The following LBP variants were observed in gnomAD, a reference collection of about 807,000 sequenced individuals.
LBP encodes lipopolysaccharide binding protein.
In LBP, 53 loss-of-function variants were observed where a neutral mutation model predicts 56.6. The observed-to-expected ratio is 0.94, with a 90% CI of 0.75 to 1.18. The LOEUF (loss-of-function observed/expected upper bound fraction) is 1.18. LBP is among the 50% of genes most tolerant of loss of function. The pLI is 0.00. For synonymous variants in LBP, 227 were observed against 247.5 expected (o/e 0.92, Z 0.78); for missense variants, 601 against 598.3 (o/e 1.00, Z -0.05).
intron 12 of LBP, among the ~76,000 whole-genome samples, chr20:38,372,331 G>A (rs1329918062): frequency 2.6e-5 from 4 of 152,176 alleles, no homozygotes; most frequent in South Asian, 2.1e-4. Flanking sequence ...ACACAGAGGC[G>A]GTGGGGAGAG....
chr20:38,374,192 T>C (rs570947457), intron 14 of LBP, among the ~76,000 whole-genome samples, 179 bp downstream of exon 14: 28 of 152,308 alleles, frequency 1.8e-4, no homozygotes, highest in African/African-American at 6.7e-4. Context: ...CCACATGTCC[T>C]TCAGAAGTGG....
chr20:38,363,456 G>A (rs2076868827), intron 6 of LBP, among the ~76,000 whole-genome samples: 1 of 152,206 alleles, frequency 6.6e-6, no homozygotes, highest in South Asian at 2.1e-4. Context: ...TAAGCTCGGA[G>A]GGGGAGACCC....
intron 5 of LBP, among the ~76,000 whole-genome samples, chr20:38,357,910 G>A (rs2076846904): frequency 6.6e-6 from 1 of 152,320 alleles, no homozygotes; most frequent in Middle Eastern, 3.4e-3. Context: ...GCATGCCAAT[G>A]TATTATAATT....
At chr20:38,357,083 C>T (rs562550477) in intron 5 of LBP, among the ~76,000 whole-genome samples, 21 of 152,324 alleles carry the variant, frequency 1.4e-4, no homozygotes, top group Non-Finnish European at 2.6e-4. Flanking sequence ...TCTTGAACTC[C>T]TGACCTCATG....
intron 7 of LBP, 139 bp downstream of exon 7, chr20:38,364,205 G>A (rs538204860): frequency 3.1e-6 from 2 of 646,352 alleles, no homozygotes; most frequent in East Asian, 2.7e-5. Flanking sequence ...GGGTGATATG[G>A]AGTGGTGGGG....
chr20:38,361,342 A>C (rs1450389154), intron 6 of LBP, among the ~76,000 whole-genome samples: 1 of 152,210 alleles, frequency 6.6e-6, no homozygotes, highest in East Asian at 1.9e-4. Context: ...TTTGTTCATG[A>C]ATCTATGTGT....
chr20:38,353,934 A>C (rs2076829488), intron 3 of LBP, among the ~76,000 whole-genome samples: 1 of 151,754 alleles, frequency 6.6e-6, no homozygotes, highest in African/African-American at 2.4e-5. Flanking sequence ...AAGCCCATAT[A>C]TTAAGGAAAT....
chr20:38,364,399 TAA>T (rs2076873140), intron 7 of LBP, among the ~76,000 whole-genome samples, 175 bp from the exon 8 acceptor site: 1 of 152,178 alleles, frequency 6.6e-6, no homozygotes, highest in African/African-American at 2.4e-5. Flanking sequence ...TCCTGTGGGT[TAA>T]TGTAGCAAAG....
At chr20:38,349,502 G>A (rs1394078258) in intron 1 of LBP, 46 bp from the exon 2 acceptor site, 12 of 1,426,508 alleles carry the variant, frequency 8.4e-6, no homozygotes, top group Non-Finnish European at 1.1e-5. Context: ...GAGCAGGGGA[G>A]GAGGCAGGCA....
intron 5 of LBP, among the ~76,000 whole-genome samples, chr20:38,357,859 G>A (rs913762314): frequency 6.6e-6 from 1 of 152,166 alleles, no homozygotes; most frequent in Non-Finnish European, 1.5e-5. Context: ...AATTGCCATG[G>A]CATTTGTAAA....
At chr20:38,368,854 T>C in intron 9 of LBP, 141 bp from the exon 10 acceptor site, 1 of 792,510 alleles carries the variant, frequency 1.3e-6, no homozygotes, top group Non-Finnish European at 2.0e-6. Context: ...GTTTTGCCAC[T>C]AGGAGAAAAA....
rs2076871421 is a variant in LBP, at chr20:38,364,034, G to A, written c.712G>A (p.Ala238Thr). The A allele has an allele frequency of 6.2e-7, 1 of 1,613,800 alleles. No individual in the cohort carries two copies. Among genetic ancestry groups the A allele is most frequent in the African/African-American group, 1.3e-5 (1 of 74,914 alleles). ...TTATAGCTTAGTGGAAGCCCCTCGG[G>A]CAACAGCCCAGATGCTGGAGGTGAT... The part of the protein sequence containing the change: ...IDYSLVEAPR[A>T]TAQMLEVMFK... Residue 238 changes from alanine (A) to threonine (T), a missense_variant, in exon 7 of 15, where the codon GCA (alanine) becomes ACA (threonine). Coordinates refer to ENST00000217407, the MANE Select transcript of LBP (RefSeq NM_004139.5).
chr20:38,348,470 G>A (rs1568825923), intron 1 of LBP, among the ~76,000 whole-genome samples: 1 of 151,970 alleles, frequency 6.6e-6, no homozygotes, highest in African/African-American at 2.4e-5. Flanking sequence ...ATGCTACCAC[G>A]CCCAGCTAAT....
Position 38,374,083 on chromosome 20 carries a change from A to G in LBP, c.1401+70A>G, listed in dbSNP as rs112038028. ...TGGTTTGCATGCTAGCTTTGGGGCC[A>G]TGATTCATGGGTGACACCCAGCCCA... is the stretch of plus-strand genomic sequence containing the variant. On this transcript the variant is annotated intron_variant, in intron 14 of 14. Coordinates refer to ENST00000217407, the MANE Select transcript of LBP (RefSeq NM_004139.5). The G allele has an allele frequency of 1.0e-4, 149 of 1,489,454 alleles. 6 individuals are homozygous for G. The African/African-American group carries it at 1.3e-3, about 13-fold the overall frequency. The allele number at this position is 1,489,454 out of a possible 1,614,324, so 92.3% of individuals were successfully genotyped here.
chr20:38,350,495 C>T (rs900875266), intron 2 of LBP, among the ~76,000 whole-genome samples: 14 of 152,128 alleles, frequency 9.2e-5, no homozygotes, highest in East Asian at 3.8e-4. Context: ...AGGATGCCAC[C>T]GGGGGTCATT....
Position 38,349,669 on chromosome 20 carries a change from C to G in LBP, c.239+7C>G. On this transcript the variant is annotated splice_region_variant and intron_variant, in intron 2 of 14. Coordinates refer to ENST00000217407, the MANE Select transcript of LBP (RefSeq NM_004139.5). ...GGCGCTATGAGTTCCACAGGTGGGG[C>G]TCTCCCTTCTGCTGCGGCTCTGAAG... is the stretch of plus-strand genomic sequence containing the variant. 6.4e-7 allele frequency: 1 copy of G among 1,574,392 alleles called. No homozygotes were observed. The highest frequency in any genetic ancestry group is 8.7e-7 in the Non-Finnish European group (1 of 1,153,538).
chr20:38,376,764 C>A lies in LBP; in HGVS notation c.*95C>A. 2 of 1,256,746 alleles carry A rather than the reference C, an allele frequency of 1.6e-6. No homozygotes were observed. The highest frequency in any genetic ancestry group is 2.3e-6 in the Non-Finnish European group (2 of 860,996). The allele number at this position is 1,256,746 out of a possible 1,614,324, so 77.8% of individuals were successfully genotyped here. On this transcript the variant is annotated 3_prime_UTR_variant, in exon 15 of 15. Transcript: ENST00000217407. Reference sequence around the variant, plus strand: ...CTCAGAGATTCTTGAAGAATGAAGACATTTCTGCTCTCAGCTCCGGGGGTG... The same window carrying A: ...CTCAGAGATTCTTGAAGAATGAAGAAATTTCTGCTCTCAGCTCCGGGGGTG...
intron 5 of LBP, 127 bp from the exon 6 acceptor site, chr20:38,360,577 A>G: frequency 1.5e-6 from 1 of 658,166 alleles, no homozygotes; most frequent in Non-Finnish European, 2.7e-6. Context: ...CATGACAAGC[A>G]CTTATAAATA....
chr20:38,360,372 C>T (rs2076855508), intron 5 of LBP, among the ~76,000 whole-genome samples: 1 of 152,106 alleles, frequency 6.6e-6, no homozygotes, highest in African/African-American at 2.4e-5. Flanking sequence ...AGGCCAGGAC[C>T]TCCCAAAGGA....
Sources: gnomAD v4.1 joint callset for allele counts (sites outside exome capture counted in the v4.1 genomes callset) on GRCh38, gnomAD v4.1.1 for gene constraint, MANE v1.5 for transcripts, NCBI Gene and HGNC (gene_info 2026-07-23, HGNC 2026-07-21) for gene names.